Variants in ALDH1L1 observed in about 807,000 individuals in gnomAD.
ALDH1L1 encodes aldehyde dehydrogenase 1 family member L1.
In ALDH1L1, 68 loss-of-function variants were observed where a neutral mutation model predicts 101.1. The ratio of observed to expected loss-of-function variants is 0.67; its 90% CI spans 0.55 to 0.82. ALDH1L1 has a LOEUF of 0.82. ALDH1L1 is among the 40% of genes least tolerant of loss of function. The pLI, the probability that ALDH1L1 is intolerant of heterozygous loss-of-function variation, is 0.00. For synonymous variants in ALDH1L1, 486 were observed against 470.8 expected, an observed-to-expected ratio of 1.03 and a Z score of -0.42; for missense variants, 1,087 against 1,172.7, an observed-to-expected ratio of 0.93 and a Z score of 1.07.
At chr3:126,121,990 C>T (rs1210423409) in intron 16 of ALDH1L1, among the ~76,000 whole-genome samples, 2 of 152,136 alleles carry the variant, frequency 1.3e-5, no homozygotes, top group Admixed American at 1.3e-4. Context: ...CTCAGGTGTG[C>T]CAGATGGAGA....
intron 18 of ALDH1L1, among the ~76,000 whole-genome samples, chr3:126,113,801 G>A (rs1170364022): frequency 3.3e-5 from 5 of 152,228 alleles, no homozygotes; most frequent in African/African-American, 1.2e-4. Flanking sequence ...GTCAGGACAG[G>A]ACCAAGGCAA....
Position 126,143,101 on chromosome 3 carries a change from C to T in ALDH1L1, c.1076+3734G>A, listed in dbSNP as rs568679854. 2.0e-5 allele frequency among the ~76,000 whole-genome samples: 3 copies of T among 152,260 alleles called. No individual in the cohort carries two copies. In the East Asian group the frequency reaches 5.8e-4, roughly 29 times the overall value. On this transcript the variant is annotated intron_variant, in intron 9 of 22. Coordinates refer to ENST00000393434, the MANE Select transcript of ALDH1L1 (RefSeq NM_012190.4). ...TTGGGAAACTCATCTAACACAAAGC[C>T]TATTTTATACTAAAGTTTTGAGTAT...
At chr3:126,135,466 AGTC>A in intron 12 of ALDH1L1, 66 bp downstream of exon 12, 1 of 1,551,460 alleles carries the variant, frequency 6.4e-7, no homozygotes, top group Non-Finnish European at 8.7e-7. Context: ...CCTCCACAGA[AGTC>A]CCCCCCGTGC....
At chr3:126,145,776 T>C (rs1217155910) in intron 9 of ALDH1L1, among the ~76,000 whole-genome samples, 2 of 152,240 alleles carry the variant, frequency 1.3e-5, no homozygotes, top group African/African-American at 2.4e-5. Flanking sequence ...TAGTTAACAA[T>C]CCTACAATAT....
upstream of ALDH1L1, among the ~76,000 whole-genome samples, chr3:126,185,917 T>C (rs576836608): frequency 3.3e-5 from 5 of 152,212 alleles, no homozygotes; most frequent in Non-Finnish European, 7.3e-5. Context: ...AGTAGTTTAT[T>C]CTAACTGAGT....
intron 4 of ALDH1L1, chr3:126,156,705 G>C (rs559762013): frequency 6.6e-6 from 1 of 152,240 alleles, no homozygotes; most frequent in Non-Finnish European, 1.5e-5. Flanking sequence ...GTGACCACAG[G>C]TCACGGCCTT....
chr3:126,158,260 CT>C (rs2080957729), intron 3 of ALDH1L1, 144 bp downstream of exon 3: 1 of 737,924 alleles, frequency 1.4e-6, no homozygotes, highest in South Asian at 1.9e-5. Flanking sequence ...TGTTCTGTGG[CT>C]GACATCTGGC....
At chr3:126,165,744 C>G (rs2081154839) in intron 1 of ALDH1L1, among the ~76,000 whole-genome samples, 1 of 152,108 alleles carries the variant, frequency 6.6e-6, no homozygotes, top group Admixed American at 6.5e-5. Context: ...AGAATCTTTT[C>G]TAATTTCTGT....
At chr3:126,119,780 C>T (rs534552170) in intron 16 of ALDH1L1, among the ~76,000 whole-genome samples, 59 of 152,254 alleles carry the variant, frequency 3.9e-4, no homozygotes, top group African/African-American at 1.4e-3. Context: ...CAAAACTCAA[C>T]AATAAGAAAA....
intron 21 of ALDH1L1, among the ~76,000 whole-genome samples, chr3:126,106,920 C>T (rs988038784): frequency 2.6e-5 from 4 of 152,248 alleles, no homozygotes; most frequent in Non-Finnish European, 1.5e-5. Flanking sequence ...GGGAAGGGAG[C>T]TGCCTTTGCT....
chr3:126,165,650 G>A lies in ALDH1L1; in HGVS notation c.-23-4648C>T, dbSNP rs868158293. 3.9e-5 allele frequency among the ~76,000 whole-genome samples: 6 copies of A among 152,054 alleles called. No homozygotes were observed. In the South Asian group the frequency reaches 1.2e-3, roughly 32 times the overall value. On this transcript the variant is annotated intron_variant, in intron 1 of 22. Transcript: ENST00000393434. ...TTCAATCTTTTCCTACTTTAGTCTT[G>A]GGAGATTGTGTGTTTCTAGGAATTT...
intron 1 of ALDH1L1, among the ~76,000 whole-genome samples, chr3:126,165,057 G>A (rs541784478): frequency 4.6e-5 from 7 of 152,072 alleles, no homozygotes; most frequent in Non-Finnish European, 7.4e-5. Flanking sequence ...CTGCTTGTAC[G>A]TGTTTTTTTG....
chr3:126,144,351 CA>C, intron 9 of ALDH1L1, among the ~76,000 whole-genome samples: 1 of 152,220 alleles, frequency 6.6e-6, no homozygotes, highest in East Asian at 1.9e-4. Flanking sequence ...GCAGAAATTA[CA>C]AAAATCATCT....
At chr3:126,126,592 A>AC (rs1219367327) in intron 14 of ALDH1L1, among the ~76,000 whole-genome samples, 1 of 151,898 alleles carries the variant, frequency 6.6e-6, no homozygotes, top group African/African-American at 2.4e-5. Flanking sequence ...CACACCCCAC[A>AC]CACACCCAGG....
In ALDH1L1 at chr3:126,135,627, G is replaced by A. The variant is rs556929182; in HGVS notation, c.1380C>T (p.Asp460=). 6.1e-5 allele frequency: 96 copies of A among 1,583,384 alleles called. 1 individual carries two copies. The South Asian group carries it at 6.2e-4, about 10-fold the overall frequency. The change falls in exon 12 of 23, where the codon GAC becomes GAT. Residue 460 remains aspartate (D), a synonymous_variant. Transcript: ENST00000393434. ...TGGCTGCGGCCACTGCCTTGTCGAC[G>A]TCGGTGACTTGGGCCAGGGATACCT... The part of the protein sequence containing the change: ...ICQVSLAQVT[D]VDKAVAAAKD...
At chr3:126,129,867 A>G (rs1868126) in intron 14 of ALDH1L1, 104,762 of 160,770 alleles carry the variant, frequency 0.65, 34,380 homozygotes, top group Middle Eastern at 0.72. Context: ...CCTGCTGAGC[A>G]GCTCTCGTCC....
At chr3:126,117,455 G>A (rs1250427256) in intron 17 of ALDH1L1, among the ~76,000 whole-genome samples, 2 of 151,948 alleles carry the variant, frequency 1.3e-5, no homozygotes, top group Non-Finnish European at 1.5e-5. Flanking sequence ...AGGAGTTTGA[G>A]ACCAGTCTGG....
Position 126,157,428 on chromosome 3 carries a change from A to G in ALDH1L1, c.443T>C (p.Leu148Pro). Reference protein sequence around the residue: ...DDGLDTGDLLLQKECEVLPDD... With the variant: ...DDGLDTGDLLPQKECEVLPDD... ...CGGGAGCACCTCACACTCCTTCTGC[A>G]GCAGCAGGTCTCCGGTGTCCAGACC... The change falls in exon 4 of 23, where the codon CTG becomes CCG. Residue 148 changes from leucine (L) to proline (P), a missense_variant. Coordinates refer to ENST00000393434, the MANE Select transcript of ALDH1L1 (RefSeq NM_012190.4). 1.2e-6 allele frequency: 2 copies of G among 1,614,176 alleles called. No homozygotes were observed. Among genetic ancestry groups the G allele is most frequent in the Non-Finnish European group, 1.7e-6 (2 of 1,180,020 alleles).
intron 7 of ALDH1L1, chr3:126,150,948 G>C (rs991624731): frequency 2.9e-5 from 5 of 174,412 alleles, no homozygotes; most frequent in African/African-American, 1.2e-4. Context: ...CTCCAGCCTT[G>C]TCTCCAACCT....
Sources: gnomAD v4.1 joint callset for allele counts (sites outside exome capture counted in the v4.1 genomes callset) on GRCh38, gnomAD v4.1.1 for gene constraint, MANE v1.5 for transcripts, NCBI Gene and HGNC (gene_info 2026-07-23, HGNC 2026-07-21) for gene names.